Variants in RNF17 observed in about 807,000 individuals in gnomAD.
RNF17 encodes the protein ring finger protein 17, also known as spermatogenesis associated 23.
In RNF17, 31 loss-of-function variants were observed where a neutral mutation model predicts 200.5. That is an observed-to-expected ratio of 0.15 (90% CI 0.12 to 0.21). The LOEUF (loss-of-function observed/expected upper bound fraction) is 0.21. RNF17 is among the 10% of genes least tolerant of loss of function. RNF17 has a pLI of 1.00. For synonymous variants in RNF17, 606 were observed against 637.8 expected (o/e 0.95, Z 0.75); for missense variants, 1,628 against 1,905.1 (o/e 0.85, Z 2.71).
chr13:24,770,583 C>A (rs1880518564), intron 2 of RNF17, among the ~76,000 whole-genome samples: 1 of 151,972 alleles, frequency 6.6e-6, no homozygotes, highest in South Asian at 2.1e-4. Context: ...CTTAAAATAC[C>A]ATTCAGCTCA....
chr13:24,842,241 CA>C, intron 19 of RNF17, 80 bp downstream of exon 19: 2 of 1,261,008 alleles, frequency 1.6e-6, no homozygotes, highest in African/African-American at 3.0e-5. Flanking sequence ...ACTGGCATAT[CA>C]TTCCCCATTG....
chr13:24,834,612 A>T (rs969252714), intron 18 of RNF17, among the ~76,000 whole-genome samples: 4 of 152,112 alleles, frequency 2.6e-5, no homozygotes, highest in Non-Finnish European at 4.4e-5. Flanking sequence ...TTCCAACTTT[A>T]CCTGGAGCTG....
At chr13:24,882,143 TCTATATAG>T (rs1194301510), downstream of RNF17, 27 of 3,402 alleles carry the variant, frequency 7.9e-3, 10 homozygotes, top group African/African-American at 0.01. Context: ...GATAGATACA[TCTATATAG>T]ATAGATACAT....
At chr13:24,867,583 GT>G (rs1266574455) in intron 30 of RNF17, among the ~76,000 whole-genome samples, 6 of 152,008 alleles carry the variant, frequency 3.9e-5, no homozygotes, top group Non-Finnish European at 8.8e-5. Flanking sequence ...TTGTCTACCA[GT>G]TTGAAATGTT....
At chr13:24,831,761 C>T in intron 17 of RNF17, 97 bp from the exon 18 acceptor site, 2 of 1,052,702 alleles carry the variant, frequency 1.9e-6, no homozygotes, top group Non-Finnish European at 2.8e-6. Context: ...GAAATTCAAA[C>T]ATAAAGATTA....
At chr13:24,872,287 G>A (rs1422784099) in intron 32 of RNF17, among the ~76,000 whole-genome samples, 1 of 152,074 alleles carries the variant, frequency 6.6e-6, no homozygotes, top group Non-Finnish European at 1.5e-5. Flanking sequence ...GCAAGAAATT[G>A]TCTATAACTC....
the RNF17 span, among the ~76,000 whole-genome samples, chr13:24,749,656 C>T: frequency 2.3e-4 from 35 of 152,196 alleles, no homozygotes; most frequent in Non-Finnish European, 1.5e-4. Context: ...AGAAAACTTC[C>T]ATTATTGAGA....
chr13:24,808,095 G>A (rs1305653524), intron 15 of RNF17, among the ~76,000 whole-genome samples: 9 of 151,014 alleles, frequency 6.0e-5, no homozygotes, highest in African/African-American at 2.2e-4. Flanking sequence ...CTCCAGCTTT[G>A]TTCTTTTGGC....
At chr13:24,874,940 A>G (rs1382012984) in intron 33 of RNF17, among the ~76,000 whole-genome samples, 3 of 152,180 alleles carry the variant, frequency 2.0e-5, no homozygotes, top group African/African-American at 7.2e-5. Context: ...AAATTCATAC[A>G]GTATTTGTCC....
intron 15 of RNF17, among the ~76,000 whole-genome samples, chr13:24,815,085 C>T (rs1887218260): frequency 6.6e-6 from 1 of 151,960 alleles, no homozygotes; most frequent in South Asian, 2.1e-4. Context: ...AGAGAAATGT[C>T]ATTGGGATTT....
downstream of RNF17, chr13:24,883,082 A>T: frequency 9.0e-7 from 1 of 1,108,238 alleles, no homozygotes; most frequent in South Asian, 1.3e-5. Flanking sequence ...TCTTTTCCCC[A>T]CACATACACA....
chr13:24,844,828 T>C (rs1593411510), intron 21 of RNF17, 26 bp downstream of exon 21: 1 of 1,603,560 alleles, frequency 6.2e-7, no homozygotes, highest in Non-Finnish European at 8.5e-7. Context: ...AAAAGTGTAA[T>C]TGTGAAGGTG....
chr13:24,829,255 G>T (rs1043294047), intron 16 of RNF17, among the ~76,000 whole-genome samples: 1 of 151,746 alleles, frequency 6.6e-6, no homozygotes, highest in Non-Finnish European at 1.5e-5. Flanking sequence ...TCCCTTTTTC[G>T]CATGGAGCCA....
intron 16 of RNF17, chr13:24,826,051 A>T (rs1310591458): frequency 2.0e-6 from 2 of 984,760 alleles, no homozygotes; most frequent in African/African-American, 3.5e-5. Flanking sequence ...GGTGAACTCT[A>T]GTTTGATGTT....
At chr13:24,852,295 C>T (rs543100988) in intron 24 of RNF17, among the ~76,000 whole-genome samples, 5 of 152,066 alleles carry the variant, frequency 3.3e-5, no homozygotes, top group Non-Finnish European at 7.4e-5. Flanking sequence ...GCCGCCACCT[C>T]GCCTGGCTAA....
downstream of RNF17, chr13:24,882,581 C>CAT (rs570468323): frequency 6.4e-3 from 979 of 153,598 alleles, 4 homozygotes; most frequent in Non-Finnish European, 9.9e-3. Flanking sequence ...CATTTTGAGA[C>CAT]ATTACATTAC....
intron 9 of RNF17, among the ~76,000 whole-genome samples, chr13:24,791,338 A>G (rs1883824573): frequency 6.6e-6 from 1 of 152,152 alleles, no homozygotes; most frequent in African/African-American, 2.4e-5. Flanking sequence ...CTTGAACGTG[A>G]GGCATGAGGA....
At chr13:24,852,854 G>A (rs976336875) in intron 24 of RNF17, among the ~76,000 whole-genome samples, 5 of 152,136 alleles carry the variant, frequency 3.3e-5, no homozygotes, top group African/African-American at 7.2e-5. Flanking sequence ...GTGGGTTGGG[G>A]GACTAGCAGG....
At chr13:24,763,419 A>G (rs1238698878), upstream of RNF17, among the ~76,000 whole-genome samples, 4 of 130,418 alleles carry the variant, frequency 3.1e-5, no homozygotes, top group South Asian at 2.3e-4. Flanking sequence ...GGGTTTCACC[A>G]TGTTAGCCAG....
Sources: allele counts gnomAD v4.1 joint callset (sites outside exome capture counted in the v4.1 genomes callset), GRCh38; gene constraint gnomAD v4.1.1; transcripts MANE v1.5; gene names NCBI Gene and HGNC (gene_info 2026-07-23, HGNC 2026-07-21).